Variants in CNTNAP5 observed in about 807,000 individuals in gnomAD.
CNTNAP5 encodes contactin associated protein family member 5.
In CNTNAP5, 72 loss-of-function variants were observed where a neutral mutation model predicts 150.2. The observed-to-expected ratio is 0.48, with a 90% CI of 0.40 to 0.58. The LOEUF (loss-of-function observed/expected upper bound fraction) is 0.58, where lower values mean the gene tolerates loss of function less well. Ranked by LOEUF, CNTNAP5 falls within the 20% of genes least tolerant of loss-of-function variation. The pLI, the probability that CNTNAP5 is intolerant of heterozygous loss-of-function variation, is 0.00. For synonymous variants in CNTNAP5, 672 were observed against 619.8 expected, an observed-to-expected ratio of 1.08 and a Z score of -1.25; for missense variants, 1,636 against 1,626.2, an observed-to-expected ratio of 1.01 and a Z score of -0.10.
At chr2:124,121,236 C>T (rs1436083997) in intron 1 of CNTNAP5, among the ~76,000 whole-genome samples, 1 of 151,796 alleles carries the variant, frequency 6.6e-6, no homozygotes, top group Non-Finnish European at 1.5e-5. Flanking sequence ...AAGTGAACAC[C>T]CTTACTACCT....
At chr2:124,649,359 C>T (rs964152905) in intron 13 of CNTNAP5, among the ~76,000 whole-genome samples, 6 of 152,122 alleles carry the variant, frequency 3.9e-5, no homozygotes, top group African/African-American at 1.4e-4. Context: ...TCTGTCAAGC[C>T]TGCACGTGCT....
At chr2:124,118,721 A>G (rs1573766850) in intron 1 of CNTNAP5, among the ~76,000 whole-genome samples, 2 of 152,138 alleles carry the variant, frequency 1.3e-5, no homozygotes, top group East Asian at 3.9e-4. Flanking sequence ...GAGGAGGAGG[A>G]CCAACATTTG....
In CNTNAP5 at chr2:124,753,058, A is replaced by T. The variant is rs112424696; in HGVS notation, c.2234+5673A>T. On this transcript the variant is annotated intron_variant, in intron 14 of 23. Coordinates refer to ENST00000682447, the MANE Select transcript of CNTNAP5 (RefSeq NM_001367498.1). Reference sequence around the variant, plus strand: ...ACATTCTTTTATTTATTTTAGAAGAAAGTACAGAAGTTTTCATTTGATTTT... The same window carrying T: ...ACATTCTTTTATTTATTTTAGAAGATAGTACAGAAGTTTTCATTTGATTTT... 5.4e-3 allele frequency among the ~76,000 whole-genome samples: 817 copies of T among 152,320 alleles called. 7 individuals are homozygous for T. Among genetic ancestry groups the T allele is most frequent in the African/African-American group, 0.018 (755 of 41,562 alleles).
intron 1 of CNTNAP5, among the ~76,000 whole-genome samples, chr2:124,148,888 ATATG>A (rs1684330818): frequency 1.3e-5 from 2 of 151,874 alleles, no homozygotes; most frequent in Admixed American, 1.3e-4. Flanking sequence ...ACACACACAT[ATATG>A]TATGTATATA....
intron 19 of CNTNAP5, among the ~76,000 whole-genome samples, chr2:124,843,238 A>T (rs1350959220): frequency 6.6e-6 from 1 of 152,114 alleles, no homozygotes; most frequent in Non-Finnish European, 1.5e-5. Flanking sequence ...AAATATCATT[A>T]ATTTGTTCCT....
At chr2:124,416,133 GT>G (rs1691912399) in intron 3 of CNTNAP5, among the ~76,000 whole-genome samples, 1 of 152,032 alleles carries the variant, frequency 6.6e-6, no homozygotes, top group Non-Finnish European at 1.5e-5. Context: ...TCTTTGGTGG[GT>G]TCAGTTTCCA....
chr2:124,823,401 A>G (rs1470585362), intron 19 of CNTNAP5, among the ~76,000 whole-genome samples: 1 of 152,222 alleles, frequency 6.6e-6, no homozygotes, highest in East Asian at 1.9e-4. Flanking sequence ...TCCTTTTCTT[A>G]CCATTCACAC....
chr2:124,619,380 C>A (rs1490522261), intron 12 of CNTNAP5, among the ~76,000 whole-genome samples: 2 of 152,104 alleles, frequency 1.3e-5, no homozygotes, highest in Non-Finnish European at 2.9e-5. Flanking sequence ...GTCACAGTAA[C>A]TAATTGAAAT....
At chr2:124,823,911 A>AT (rs541198111) in intron 19 of CNTNAP5, among the ~76,000 whole-genome samples, 33 of 143,062 alleles carry the variant, frequency 2.3e-4, no homozygotes, top group East Asian at 8.2e-4. Flanking sequence ...GACAGTTCTG[A>AT]TTTTTTTTTT....
chr2:124,888,856 G>T (rs1008921515), intron 21 of CNTNAP5, among the ~76,000 whole-genome samples: 7 of 151,986 alleles, frequency 4.6e-5, no homozygotes, highest in Middle Eastern at 3.4e-3. Context: ...TTTGTCAGAT[G>T]CATAGTTTGC....
chr2:124,687,354 G>C (rs1217588121), intron 13 of CNTNAP5, among the ~76,000 whole-genome samples: 1 of 151,960 alleles, frequency 6.6e-6, no homozygotes, highest in Non-Finnish European at 1.5e-5. Flanking sequence ...TTATCTAGAT[G>C]ACTGTGGGTG....
At chr2:124,561,530 T>TTTTG (rs375511010) in intron 10 of CNTNAP5, among the ~76,000 whole-genome samples, 10 of 152,216 alleles carry the variant, frequency 6.6e-5, no homozygotes, top group Middle Eastern at 3.4e-3. Context: ...AGGACCACTT[T>TTTTG]TTTGTTTGTT....
chr2:124,303,987 G>T (rs1234893246), intron 3 of CNTNAP5, among the ~76,000 whole-genome samples: 1 of 152,046 alleles, frequency 6.6e-6, no homozygotes, highest in Non-Finnish European at 1.5e-5. Flanking sequence ...GCTATGTTTG[G>T]GACATTGCAT....
intron 1 of CNTNAP5, among the ~76,000 whole-genome samples, chr2:124,112,160 C>T (rs1683313089): frequency 6.6e-6 from 1 of 152,202 alleles, no homozygotes; most frequent in Non-Finnish European, 1.5e-5. Context: ...TTTAAGTATT[C>T]ACAGGGATTA....
At chr2:124,307,707 A>G (rs1278084967) in intron 3 of CNTNAP5, among the ~76,000 whole-genome samples, 1 of 152,196 alleles carries the variant, frequency 6.6e-6, no homozygotes, top group Non-Finnish European at 1.5e-5. Flanking sequence ...AAGGACAATG[A>G]ATGCTCAGTT....
At chr2:124,491,039 G>C (rs1243865728) in intron 7 of CNTNAP5, among the ~76,000 whole-genome samples, 1 of 152,064 alleles carries the variant, frequency 6.6e-6, no homozygotes, top group African/African-American at 2.4e-5. Context: ...AATAAAGATA[G>C]TATATATGTT....
intron 11 of CNTNAP5, among the ~76,000 whole-genome samples, chr2:124,564,344 G>GTTTA (rs1226690115): frequency 6.5e-4 from 99 of 152,088 alleles, no homozygotes; most frequent in Admixed American, 1.6e-3. Flanking sequence ...TTTTTTATTT[G>GTTTA]TTTATTTATT....
chr2:124,862,139 A>T (rs574426066), intron 19 of CNTNAP5, among the ~76,000 whole-genome samples: 1 of 152,302 alleles, frequency 6.6e-6, no homozygotes, highest in Admixed American at 6.5e-5. Flanking sequence ...ACTAAGTTTT[A>T]TTTTAAGCTA....
intron 3 of CNTNAP5, among the ~76,000 whole-genome samples, chr2:124,321,755 T>A (rs1233953149): frequency 6.6e-6 from 1 of 152,094 alleles, no homozygotes; most frequent in African/African-American, 2.4e-5. Context: ...CCATTCTGAG[T>A]TTTTATGTAC....
Sources: allele counts gnomAD v4.1 joint callset (sites outside exome capture counted in the v4.1 genomes callset), GRCh38; gene constraint gnomAD v4.1.1; transcripts MANE v1.5; gene names NCBI Gene and HGNC (gene_info 2026-07-23, HGNC 2026-07-21).